Variants in USP24 observed in about 807,000 individuals in gnomAD.
USP24 encodes the protein ubiquitin specific peptidase 24.
USP24 carries 97 observed loss-of-function variants against 361.6 expected under a neutral mutation model. The ratio of observed to expected loss-of-function variants is 0.27; its 90% CI spans 0.23 to 0.32. The LOEUF (loss-of-function observed/expected upper bound fraction) is 0.32, where lower values mean the gene tolerates loss of function less well. Among genes scored for constraint, USP24 ranks in the 10% least tolerant of loss-of-function variants. The pLI is 1.00. For synonymous variants in USP24, 1,098 were observed against 1,124.6 expected (o/e 0.98, Z 0.47); for missense variants, 2,353 against 3,165.6 (o/e 0.74, Z 6.16).
In USP24 at chr1:55,096,526, T is replaced by C; in HGVS notation, c.6033A>G (p.Gly2011=). 1 of 1,606,248 alleles carries C rather than the reference T, an allele frequency of 6.2e-7. No homozygotes were observed. The highest frequency in any genetic ancestry group is 8.5e-7 in the Non-Finnish European group (1 of 1,176,764). ...DETLEYECFG[G]EYRPKVYDQT... is the part of the protein sequence containing the mutation. ...GATCATAAACTTTTGGTCTATATTC[T>C]CCTCCAAAGCATTCATACTCCAGGG... Residue 2011 remains glycine (G), a synonymous_variant, in exon 50 of 68, where the codon GGA becomes GGG. Transcript: ENST00000294383.
intron 6 of USP24, among the ~76,000 whole-genome samples, chr1:55,166,361 T>C (rs1648860596): frequency 6.6e-6 from 1 of 152,208 alleles, no homozygotes; most frequent in East Asian, 1.9e-4. Context: ...TCCTGTGGCA[T>C]ACTGCAGATA....
At chr1:55,145,405 C>T (rs1394634297) in intron 20 of USP24, among the ~76,000 whole-genome samples, 1 of 152,132 alleles carries the variant, frequency 6.6e-6, no homozygotes, top group African/African-American at 2.4e-5. Flanking sequence ...ATGAAAGAAG[C>T]CAGAGACGAC....
chr1:55,188,516 C>T (rs147069911), intron 1 of USP24, among the ~76,000 whole-genome samples: 2 of 150,880 alleles, frequency 1.3e-5, no homozygotes, highest in Non-Finnish European at 3.0e-5. Context: ...GACAAATAAC[C>T]TAATAAAAAA....
intron 28 of USP24, 110 bp downstream of exon 28, chr1:55,137,405 G>A (rs776079026): frequency 3.1e-6 from 4 of 1,299,270 alleles, no homozygotes; most frequent in Non-Finnish European, 4.1e-6. Context: ...AACACAACAA[G>A]CTTGAACACT....
chr1:55,159,355 CCAT>C (rs1444085074), intron 9 of USP24, among the ~76,000 whole-genome samples: 4 of 152,180 alleles, frequency 2.6e-5, no homozygotes, highest in Non-Finnish European at 5.9e-5. Context: ...AATTGTGATA[CCAT>C]CAAAATCATG....
intron 51 of USP24, 139 bp downstream of exon 51, chr1:55,095,116 T>G: frequency 9.4e-7 from 1 of 1,068,172 alleles, no homozygotes; most frequent in Non-Finnish European, 1.3e-6. Flanking sequence ...CAATAAGGGA[T>G]TTATTTTCTT....
chr1:55,103,473 T>G (rs893783990), intron 42 of USP24, among the ~76,000 whole-genome samples: 1 of 152,238 alleles, frequency 6.6e-6, no homozygotes, highest in African/African-American at 2.4e-5. Context: ...TAATATGCCT[T>G]TTAGCACATA....
intron 55 of USP24, 36 bp from the exon 56 acceptor site, chr1:55,086,074 A>G (rs776471784): frequency 5.0e-6 from 8 of 1,593,518 alleles, no homozygotes; most frequent in Non-Finnish European, 6.9e-6. Flanking sequence ...AAAAAGCAAG[A>G]TACATTTCCA....
In USP24 at chr1:55,072,373, T is replaced by C. The variant is rs1207670082; in HGVS notation, c.7633A>G (p.Asn2545Asp). 1 of 1,613,778 alleles carries C rather than the reference T, an allele frequency of 6.2e-7. No homozygotes were observed. The highest frequency in any genetic ancestry group is 1.1e-5 in the South Asian group (1 of 91,044). The change falls in exon 66 of 68, where the codon AAT becomes GAT. Residue 2545 changes from asparagine (N) to aspartate (D), a missense_variant. Asn to Asp is a conservative substitution (Grantham distance 23). Transcript: ENST00000294383. Reference sequence around the variant, plus strand: ...CCAGTTGATGTTTCATTAGAGACATTACTCTGTGGTGTCCAGTAATGTTCT... The same window carrying C: ...CCAGTTGATGTTTCATTAGAGACATCACTCTGTGGTGTCCAGTAATGTTCT... ...MSEHYWTPQS[N>D]VSNETSTGKT... is the part of the protein sequence containing the mutation.
At chr1:55,205,251 T>C (rs1644676573) in intron 1 of USP24, among the ~76,000 whole-genome samples, 1 of 152,050 alleles carries the variant, frequency 6.6e-6, no homozygotes, top group Admixed American at 6.5e-5. Context: ...GCAGATAATC[T>C]AAAGGTCAAT....
chr1:55,207,708 T>C (rs1644746944), intron 1 of USP24, among the ~76,000 whole-genome samples: 1 of 152,190 alleles, frequency 6.6e-6, no homozygotes, highest in Non-Finnish European at 1.5e-5. Context: ...GGTGGGGTGG[T>C]ATCCTGGAAC....
At chr1:55,099,724 A>G in intron 45 of USP24, 47 bp downstream of exon 45, 1 of 1,308,584 alleles carries the variant, frequency 7.6e-7, no homozygotes, top group African/African-American at 1.5e-5. Context: ...TTCTCATACT[A>G]TAATTAGAGT....
chr1:55,126,657 C>T (rs1475523154), intron 32 of USP24, among the ~76,000 whole-genome samples: 1 of 152,218 alleles, frequency 6.6e-6, no homozygotes, highest in East Asian at 1.9e-4. Context: ...GGAGTTTGTA[C>T]TAAAAACACC....
In USP24 at chr1:55,155,318, G is replaced by A. The variant is rs116440438; in HGVS notation, c.1447-540C>T. ...TTAAGGTTTAAATTCACTTTATAAC[G>A]TCAATTATGTCACTGTCATGCCTCA... On this transcript the variant is annotated intron_variant, in intron 12 of 67. Coordinates refer to ENST00000294383, the MANE Select transcript of USP24 (RefSeq NM_015306.3). Among the ~76,000 whole-genome samples the A allele has an allele frequency of 1.0e-2, 1,517 of 152,198 alleles. 12 individuals carry two copies. The highest frequency in any genetic ancestry group is 0.015 in the Non-Finnish European group (1,013 of 68,010).
chr1:55,190,402 G>T (rs287227), intron 1 of USP24, among the ~76,000 whole-genome samples: 19,343 of 151,928 alleles, frequency 0.13, 1,457 homozygotes, highest in Middle Eastern at 0.23. Flanking sequence ...ATTTTGGTTG[G>T]TTTGATATTT....
At chr1:55,157,518 C>G in intron 10 of USP24, 148 bp from the exon 11 acceptor site, 1 of 517,490 alleles carries the variant, frequency 1.9e-6, no homozygotes, top group Non-Finnish European at 3.3e-6. Context: ...AACAGACTAC[C>G]ATTTGTGATG....
rs561511347 is a variant in USP24, at chr1:55,136,663, C to T, written c.3201+852G>A. ...GGAGTCAAGAATTTGGTCATGGACA[C>T]GGGTGTGAAAGAAGGAACCCAAAGA... On this transcript the variant is annotated intron_variant, in intron 28 of 67. Transcript: ENST00000294383. Among the ~76,000 whole-genome samples, 6 of 152,156 alleles carry T rather than the reference C, an allele frequency of 3.9e-5. No individual in the cohort carries two copies. The East Asian group carries it at 9.7e-4, about 25-fold the overall frequency.
intron 1 of USP24, among the ~76,000 whole-genome samples, chr1:55,200,124 A>G (rs1390076660): frequency 1.3e-5 from 2 of 152,272 alleles, no homozygotes; most frequent in African/African-American, 2.4e-5. Context: ...TTATGGGAGT[A>G]TAATTCAAGA....
chr1:55,107,734 C>T (rs1275235728), intron 39 of USP24, among the ~76,000 whole-genome samples: 13 of 144,064 alleles, frequency 9.0e-5, no homozygotes, highest in South Asian at 6.9e-4. Context: ...CCTAGCTACT[C>T]GGGAGGCTGA....
Sources: gnomAD v4.1 joint callset for allele counts (sites outside exome capture counted in the v4.1 genomes callset) on GRCh38, gnomAD v4.1.1 for gene constraint, MANE v1.5 for transcripts, NCBI Gene and HGNC (gene_info 2026-07-23, HGNC 2026-07-21) for gene names.